ARID1B: variants seen among roughly 807,000 people sequenced by gnomAD.
ARID1B encodes AT-rich interactive domain-containing protein 1B.
In ARID1B, 30 loss-of-function variants were observed where a neutral mutation model predicts 212.3. That is an observed-to-expected ratio of 0.14 (90% CI 0.11 to 0.19). The LOEUF is 0.19. Among genes scored for constraint, ARID1B ranks in the 10% least tolerant of loss-of-function variants. The pLI, the probability that ARID1B is intolerant of heterozygous loss-of-function variation, is 1.00. For missense variants in ARID1B, 2,891 were observed against 3,204.0 expected (o/e 0.90, Z 2.36); for synonymous variants, 1,402 against 1,301.7 (o/e 1.08, Z -1.66).
At chr6:156,850,461 C>T (rs1294542209) in intron 2 of ARID1B, among the ~76,000 whole-genome samples, 1 of 151,962 alleles carries the variant, frequency 6.6e-6, no homozygotes, top group African/African-American at 2.4e-5. Flanking sequence ...GTAGGCTATG[C>T]CACTTTTAAG....
At chr6:156,939,124 G>A (rs1182431384) in intron 4 of ARID1B, 2 of 152,038 alleles carry the variant, frequency 1.3e-5, no homozygotes, top group Non-Finnish European at 2.9e-5. Context: ...ATACATCCTT[G>A]GTATTACTGT....
At position 157,143,643 on chromosome 6, in the gene ARID1B, G is replaced by A. The variant is rs192225568; in HGVS notation, c.2762-4981G>A. ...GATGACAGAACCACAGTTCAGAGAG[G>A]TTAAACCACTTGTCACGCTGCTAGG... On this transcript the variant is annotated intron_variant, in intron 7 of 19. Coordinates refer to ENST00000636930, the MANE Select transcript of ARID1B (RefSeq NM_001374828.1). Among the ~76,000 whole-genome samples, 18 of 152,246 alleles carry A rather than the reference G, an allele frequency of 1.2e-4. No homozygotes were observed. In the South Asian group the frequency reaches 1.9e-3, roughly 16 times the overall value.
At chr6:156,948,856 T>G (rs1006860474) in intron 4 of ARID1B, among the ~76,000 whole-genome samples, 4 of 152,254 alleles carry the variant, frequency 2.6e-5, no homozygotes, top group Admixed American at 6.5e-5. Flanking sequence ...TTTAACATCT[T>G]TTTTCATTTT....
At chr6:156,976,922 G>A in intron 4 of ARID1B, 1 of 556,356 alleles carries the variant, frequency 1.8e-6, no homozygotes, top group Non-Finnish European at 3.5e-6. Flanking sequence ...GATTTGATGT[G>A]CAACTCAAAG....
intron 12 of ARID1B, among the ~76,000 whole-genome samples, chr6:157,182,580 G>C (rs538163099): frequency 7.2e-5 from 11 of 152,158 alleles, no homozygotes; most frequent in African/African-American, 2.4e-4. Flanking sequence ...TGTCACTGAC[G>C]GCCTACCGTG....
At position 156,778,301 on chromosome 6, in the gene ARID1B, G is replaced by C. The variant is rs1291761395; in HGVS notation, c.621G>C (p.Gln207His). ...AGCAGCAGCAGCAGCAACAGCAGCA[G>C]CAGCAGCAGCAGCAACAGCAACATC... ...QQQQQQQQQQ[Q>H]QQQQQQQHPI... Residue 207 changes from glutamine (Q) to histidine (H), a missense_variant, in exon 1 of 20, where the codon CAG (glutamine) becomes CAC (histidine). Gln to His is a conservative substitution (Grantham distance 24). This residue lies in a region of ARID1B where 1,643 missense variants were observed against 1,544.0 expected (regional missense o/e 1.06). Transcript: ENST00000636930. The C allele has an allele frequency of 1.3e-6, 2 of 1,544,140 alleles. No individual in the cohort carries two copies. Among genetic ancestry groups the C allele is most frequent in the Non-Finnish European group, 1.7e-6 (2 of 1,146,168 alleles).
intron 5 of ARID1B, among the ~76,000 whole-genome samples, chr6:157,103,866 T>C (rs917186492): frequency 6.3e-5 from 9 of 143,532 alleles, no homozygotes; most frequent in Non-Finnish European, 1.3e-4. Flanking sequence ...GACAGAGGCT[T>C]GCTCTGTTGC....
Position 157,098,364 on chromosome 6 carries a change from G to C in ARID1B, c.2492-12108G>C, listed in dbSNP as rs1035066993. ...ATGAATCCGGACTTCCTGGGGGAAG[G>C]CCGGGCTAGCGATGCCATACCCAAA... is the stretch of plus-strand genomic sequence containing the variant. On this transcript the variant is annotated intron_variant, in intron 5 of 19. Coordinates refer to ENST00000636930, the MANE Select transcript of ARID1B (RefSeq NM_001374828.1). 2.6e-5 allele frequency among the ~76,000 whole-genome samples: 4 copies of C among 152,178 alleles called. No homozygotes were observed. In the East Asian group the frequency reaches 7.7e-4, roughly 29 times the overall value.
chr6:157,031,010 C>G (rs1245978454), intron 4 of ARID1B, among the ~76,000 whole-genome samples: 1 of 151,118 alleles, frequency 6.6e-6, no homozygotes, highest in African/African-American at 2.4e-5. Context: ...ATGAGGAGAA[C>G]GAGGAGAATT....
chr6:157,015,925 G>T (rs1779896919), intron 4 of ARID1B, among the ~76,000 whole-genome samples: 1 of 152,182 alleles, frequency 6.6e-6, no homozygotes, highest in African/African-American at 2.4e-5. Flanking sequence ...CTTCAAGACA[G>T]CAAAAATTAG....
chr6:156,845,949 T>C (rs751266714), intron 2 of ARID1B, among the ~76,000 whole-genome samples: 3 of 152,192 alleles, frequency 2.0e-5, no homozygotes, highest in Admixed American at 1.3e-4. Flanking sequence ...GTTCTGTTTT[T>C]GTAGTTTCAC....
At chr6:156,812,170 C>T (rs909023887) in intron 1 of ARID1B, among the ~76,000 whole-genome samples, 31 of 152,270 alleles carry the variant, frequency 2.0e-4, no homozygotes, top group South Asian at 1.0e-3. Context: ...CTTCCTTTGT[C>T]GCTCAGGCTG....
At chr6:156,829,497 A>G (rs1782994980) in intron 2 of ARID1B, 76 bp downstream of exon 2, 85 of 1,411,552 alleles carry the variant, frequency 6.0e-5, no homozygotes, top group Non-Finnish European at 8.1e-5. Context: ...CCTAAGATTG[A>G]TGTTAAAGAG....
In ARID1B at chr6:157,094,288, A is replaced by G. The variant is rs1199042282; in HGVS notation, c.2491+9383A>G. ...TAGTGGTCACGGGCAATGGAGCAGA[A>G]TGTGTGGGCAGTTAGGTGAGAGAGG... is the stretch of plus-strand genomic sequence containing the variant. On this transcript the variant is annotated intron_variant, in intron 5 of 19. Transcript: ENST00000636930. This position sits in a 1 kb window ranked among gnomAD's most constrained non-coding sequence, Gnocchi z 4.3. Among the ~76,000 whole-genome samples, 2 of 152,160 alleles carry G rather than the reference A, an allele frequency of 1.3e-5. No homozygotes were observed. The highest frequency in any genetic ancestry group is 2.9e-5 in the Non-Finnish European group (2 of 68,032).
intron 4 of ARID1B, among the ~76,000 whole-genome samples, chr6:156,950,979 GTA>G (rs919134100): frequency 9.9e-5 from 15 of 152,052 alleles, no homozygotes; most frequent in Non-Finnish European, 1.5e-4. Context: ...TTAATATAAA[GTA>G]TTACCCAGAT....
chr6:156,880,846 A>G (rs1226891560), intron 2 of ARID1B, among the ~76,000 whole-genome samples: 5 of 151,548 alleles, frequency 3.3e-5, no homozygotes, highest in Non-Finnish European at 4.4e-5. Context: ...AATCCTTGTT[A>G]GTTTTGTATA....
intron 3 of ARID1B, among the ~76,000 whole-genome samples, chr6:156,915,385 G>A (rs1038837376): frequency 6.6e-6 from 1 of 152,140 alleles, no homozygotes; most frequent in East Asian, 1.9e-4. Context: ...TGGCCAACAT[G>A]GTGAAACCCT....
At chr6:157,167,523 G>A in intron 9 of ARID1B, 1 of 183,306 alleles carries the variant, frequency 5.5e-6, no homozygotes, top group African/African-American at 2.4e-5. Context: ...ATTTGGTAGT[G>A]GTGGAGACAA....
chr6:156,929,708 T>A (rs1791540373), intron 3 of ARID1B, among the ~76,000 whole-genome samples: 1 of 152,220 alleles, frequency 6.6e-6, no homozygotes, highest in African/African-American at 2.4e-5. Flanking sequence ...CAGTTATCAC[T>A]TATTCCAGAT....
Sources: gnomAD v4.1 joint callset for allele counts (sites outside exome capture counted in the v4.1 genomes callset) on GRCh38, gnomAD v4.1.1 for gene constraint, gnomAD v4.1.1 regional missense constraint, Gnocchi (gnomAD v3.1) non-coding constraint, MANE v1.5 for transcripts, NCBI Gene and HGNC (gene_info 2026-07-23, HGNC 2026-07-21) for gene names.